The following RHBDD1 variants were observed in gnomAD, a reference collection of about 807,000 sequenced individuals.
RHBDD1 encodes the protein rhomboid domain containing 1.
RHBDD1 carries 38 observed loss-of-function variants against 36.3 expected under a neutral mutation model. That is an observed-to-expected ratio of 1.05 (90% CI 0.81 to 1.37). The LOEUF (loss-of-function observed/expected upper bound fraction) is 1.37. Among genes scored for constraint, RHBDD1 ranks in the 40% most tolerant of loss-of-function variants. The pLI is 0.00. For synonymous variants in RHBDD1, 151 were observed against 136.5 expected (o/e 1.11, Z -0.74); for missense variants, 393 against 377.6 (o/e 1.04, Z -0.34).
intron 8 of RHBDD1, among the ~76,000 whole-genome samples, chr2:226,931,301 C>A (rs936083246): frequency 2.0e-5 from 3 of 151,994 alleles, no homozygotes; most frequent in African/African-American, 7.2e-5. Flanking sequence ...GAATGCTACT[C>A]AGCCATAAAA....
chr2:226,926,015 T>C (rs1013139493), intron 8 of RHBDD1, among the ~76,000 whole-genome samples: 8 of 152,088 alleles, frequency 5.3e-5, no homozygotes, highest in African/African-American at 1.7e-4. Context: ...TTGTTTGGGC[T>C]GAACCCTCTG....
chr2:226,822,787 A>G, the RHBDD1 span, among the ~76,000 whole-genome samples: 1 of 152,154 alleles, frequency 6.6e-6, no homozygotes. Context: ...GAAGTGACTA[A>G]GACATGAGGA....
At chr2:226,902,562 G>C (rs866325872) in intron 5 of RHBDD1, among the ~76,000 whole-genome samples, 1 of 152,156 alleles carries the variant, frequency 6.6e-6, no homozygotes, top group South Asian at 2.1e-4. Flanking sequence ...CTCTTAAAAT[G>C]ACTTTTATAT....
chr2:226,811,769 A>T, the RHBDD1 span, among the ~76,000 whole-genome samples: 1 of 152,260 alleles, frequency 6.6e-6, no homozygotes, highest in African/African-American at 2.4e-5. Flanking sequence ...ATGAGAGGAC[A>T]CTGAAAGTAG....
At chr2:226,850,081 G>A (rs1403640808) in intron 3 of RHBDD1, among the ~76,000 whole-genome samples, 1 of 152,128 alleles carries the variant, frequency 6.6e-6, no homozygotes, top group Non-Finnish European at 1.5e-5. Context: ...AACAACGAAG[G>A]GCTGCATTTG....
chr2:226,948,147 G>A (rs1480692540), intron 8 of RHBDD1, among the ~76,000 whole-genome samples: 1 of 149,910 alleles, frequency 6.7e-6, no homozygotes, highest in Non-Finnish European at 1.5e-5. Context: ...ATTCTCAATA[G>A]CAAAGACTTG....
rs560863482 is a variant in RHBDD1 at position 226,898,247 on chromosome 2, T to A, written c.567-8546T>A. On this transcript the variant is annotated intron_variant, in intron 5 of 8. Transcript: ENST00000392062. ...TGAACCAGCTCAGGGAATTGTCTTA[T>A]TAGCAGGCGTAGGGACATGGAATTG... Among the ~76,000 whole-genome samples, 5 of 152,300 alleles carry A rather than the reference T, an allele frequency of 3.3e-5. No homozygotes were observed. In the South Asian group the frequency reaches 1.0e-3, roughly 32 times the overall value.
chr2:226,917,620 C>G (rs1949007045), intron 8 of RHBDD1, among the ~76,000 whole-genome samples: 1 of 152,060 alleles, frequency 6.6e-6, no homozygotes, highest in African/African-American at 2.4e-5. Context: ...ACTAAATGAT[C>G]CAGAGTTTGT....
intron 8 of RHBDD1, among the ~76,000 whole-genome samples, chr2:226,926,802 C>T (rs1473183379): frequency 2.0e-5 from 3 of 152,106 alleles, no homozygotes; most frequent in Admixed American, 1.3e-4. Flanking sequence ...TATCCTGTTT[C>T]CTAAAAATTA....
Position 226,995,779 on chromosome 2 carries a change from T to A in RHBDD1, c.*257T>A, listed in dbSNP as rs1959185402. On this transcript the variant is annotated 3_prime_UTR_variant, in exon 9 of 9. Coordinates refer to ENST00000392062, the MANE Select transcript of RHBDD1 (RefSeq NM_001167608.3). ...TCCATGAAGAGACCAGTTTCCACGC[T>A]CCCATCTCTCACTGCTGACTCAGCG... is the stretch of plus-strand genomic sequence containing the variant. 2.1e-6 allele frequency: 1 copy of A among 475,182 alleles called. No homozygotes were observed. Among genetic ancestry groups the A allele is most frequent in the South Asian group, 3.5e-5 (1 of 28,970 alleles). 29.4% of individuals were successfully genotyped at this position (475,182 alleles called of 1,614,324 possible).
the RHBDD1 span, among the ~76,000 whole-genome samples, chr2:226,806,150 A>G: frequency 6.6e-6 from 1 of 152,012 alleles, no homozygotes; most frequent in Non-Finnish European, 1.5e-5. Flanking sequence ...GAAAGAAAAA[A>G]AAAACTGACT....
At chr2:226,939,842 C>A (rs1354301514) in intron 8 of RHBDD1, among the ~76,000 whole-genome samples, 1 of 152,150 alleles carries the variant, frequency 6.6e-6, no homozygotes, top group Non-Finnish European at 1.5e-5. Flanking sequence ...AGGCTGGTGG[C>A]ATCACACTAC....
chr2:226,914,251 T>C lies in RHBDD1; in HGVS notation c.756T>C (p.Asp252=). Residue 252 remains aspartate, a synonymous_variant, in exon 8 of 9, where the codon GAT becomes GAC. Coordinates refer to ENST00000392062, the MANE Select transcript of RHBDD1 (RefSeq NM_001167608.3). ...ATTATTATCCGCATGGCAGGCCAGA[T>C]CACTATGAAGAAGCACCCAGGAACT... The part of the protein sequence containing the change: ...YQDYYPHGRP[D]HYEEAPRNYD... The C allele has an allele frequency of 1.9e-6, 3 of 1,613,838 alleles. No homozygotes were observed. The highest frequency in any genetic ancestry group is 2.5e-6 in the Non-Finnish European group (3 of 1,179,814).
At chr2:226,872,294 CATT>C (rs1944855861) in intron 5 of RHBDD1, among the ~76,000 whole-genome samples, 1 of 152,140 alleles carries the variant, frequency 6.6e-6, no homozygotes, top group Admixed American at 6.5e-5. Flanking sequence ...ATATTATAAA[CATT>C]ATTAAATCCA....
chr2:226,961,435 TC>T (rs1389385648), intron 8 of RHBDD1, among the ~76,000 whole-genome samples: 2 of 152,202 alleles, frequency 1.3e-5, no homozygotes, highest in Non-Finnish European at 2.9e-5. Flanking sequence ...TCTATTTCAA[TC>T]AATTTTGGAA....
chr2:226,832,947 G>A (rs1296183486), upstream of RHBDD1, among the ~76,000 whole-genome samples: 3 of 152,202 alleles, frequency 2.0e-5, no homozygotes, highest in Admixed American at 6.5e-5. Flanking sequence ...GGAGGCAGAG[G>A]TTGCAGTGAG....
At chr2:226,802,034 A>C in the RHBDD1 span, among the ~76,000 whole-genome samples, 95 of 141,902 alleles carry the variant, frequency 6.7e-4, no homozygotes, top group South Asian at 1.8e-3. Flanking sequence ...CCCACCCCCC[A>C]AAAAAAGCTA....
intron 5 of RHBDD1, among the ~76,000 whole-genome samples, chr2:226,868,573 A>G (rs1456162559): frequency 6.6e-6 from 1 of 152,218 alleles, no homozygotes; most frequent in Non-Finnish European, 1.5e-5. Flanking sequence ...AGATTCAGGA[A>G]GGTTCAGAAA....
intron 8 of RHBDD1, among the ~76,000 whole-genome samples, chr2:226,928,096 A>G (rs2149084536): frequency 6.6e-6 from 1 of 152,196 alleles, no homozygotes; most frequent in South Asian, 2.1e-4. Flanking sequence ...TATATAGCCC[A>G]TTTTGAGTTA....
Sources: gnomAD v4.1 joint callset for allele counts (sites outside exome capture counted in the v4.1 genomes callset) on GRCh38, gnomAD v4.1.1 for gene constraint, MANE v1.5 for transcripts, NCBI Gene and HGNC (gene_info 2026-07-23, HGNC 2026-07-21) for gene names.